The following MYRFL variants were observed in gnomAD, a reference collection of about 807,000 sequenced individuals.
MYRFL encodes myelin regulatory factor-like protein.
A neutral mutation model predicts 109.4 loss-of-function variants in MYRFL; 88 were observed. The ratio of observed to expected loss-of-function variants is 0.80; its 90% CI spans 0.68 to 0.96. The LOEUF (loss-of-function observed/expected upper bound fraction) is 0.96, where lower values mean the gene tolerates loss of function less well. MYRFL is among the 40% of genes least tolerant of loss of function. The pLI is 0.00. For synonymous variants in MYRFL, 324 were observed against 320.9 expected (o/e 1.01, Z -0.10); for missense variants, 957 against 954.9 (o/e 1.00, Z -0.03).
chr12:69,932,080 G>C (rs150378914), intron 15 of MYRFL, among the ~76,000 whole-genome samples: 2 of 152,122 alleles, frequency 1.3e-5, no homozygotes, highest in East Asian at 3.9e-4. Context: ...AATTTGTCAT[G>C]ATACCCGAAA....
chr12:69,825,617 C>A, intron 1 of MYRFL, 54 bp downstream of exon 1: 1 of 688,668 alleles, frequency 1.5e-6, no homozygotes, highest in Admixed American at 2.2e-5. Context: ...TGCTCACTAT[C>A]CCTGTTTCAC....
At chr12:69,914,265 C>T (rs974766557) in intron 13 of MYRFL, among the ~76,000 whole-genome samples, 2 of 151,710 alleles carry the variant, frequency 1.3e-5, no homozygotes, top group Non-Finnish European at 2.9e-5. Context: ...ATTTAGAGGT[C>T]CTTTTTTTGA....
At chr12:69,905,687 G>T (rs1954333216) in intron 11 of MYRFL, among the ~76,000 whole-genome samples, 2 of 152,146 alleles carry the variant, frequency 1.3e-5, no homozygotes, top group Admixed American at 6.5e-5. Flanking sequence ...TCTAAGCAAA[G>T]AGAAATTATT....
At chr12:69,886,715 T>C (rs1308426286) in intron 5 of MYRFL, 105 bp from the exon 6 acceptor site, 1 of 1,340,318 alleles carries the variant, frequency 7.5e-7, no homozygotes. Flanking sequence ...ACTTCCCTAG[T>C]CACTCTGCCT....
rs116250508 is a variant in MYRFL at position 69,834,666 on chromosome 12, A to T, written c.46+9103A>T. ...TTTATTGTGAAACAAGAACAAGTAC[A>T]GCTACATACATAGATCCATACATTT... On this transcript the variant is annotated intron_variant, in intron 1 of 24. Coordinates refer to ENST00000552032, the MANE Select transcript of MYRFL (RefSeq NM_182530.3). 4.5e-3 allele frequency among the ~76,000 whole-genome samples: 689 copies of T among 152,322 alleles called. 9 individuals are homozygous for T. Among genetic ancestry groups the T allele is most frequent in the African/African-American group, 0.016 (656 of 41,584 alleles).
intron 10 of MYRFL, among the ~76,000 whole-genome samples, chr12:69,902,479 T>A (rs983179317): frequency 6.6e-6 from 1 of 152,094 alleles, no homozygotes; most frequent in African/African-American, 2.4e-5. Context: ...AAACCATTGT[T>A]ATTGGTTTCC....
chr12:69,936,614 C>T lies in MYRFL; in HGVS notation c.2206C>T (p.His736Tyr). ...AAGACAATCTGAGGAGAAGGAATTCCATCAGAGGCGATGGTCAGGTAAATG... is the reference window on the plus strand; with the variant it reads ...AAGACAATCTGAGGAGAAGGAATTCTATCAGAGGCGATGGTCAGGTAAATG... The part of the protein sequence containing the change: ...VQRQSEEKEF[H>Y]QRRWSEDKSK... Residue 736 changes from histidine (H) to tyrosine (Y), a missense_variant, in exon 19 of 25, where the codon CAT becomes TAT. Transcript: ENST00000552032. 1.3e-6 allele frequency: 2 copies of T among 1,528,088 alleles called. No homozygotes were observed. The highest frequency in any genetic ancestry group is 1.8e-6 in the Non-Finnish European group (2 of 1,141,802). The allele number at this position is 1,528,088 out of a possible 1,614,324, so 94.7% of individuals were successfully genotyped here.
chr12:69,902,393 A>G (rs1954223681), intron 10 of MYRFL, among the ~76,000 whole-genome samples: 1 of 152,212 alleles, frequency 6.6e-6, no homozygotes, highest in Admixed American at 6.5e-5. Context: ...CTCAAACAAT[A>G]CCAAGAGAGT....
At chr12:69,900,016 T>G (rs1029953617) in intron 10 of MYRFL, among the ~76,000 whole-genome samples, 5 of 152,176 alleles carry the variant, frequency 3.3e-5, no homozygotes, top group African/African-American at 9.7e-5. Flanking sequence ...AAACCTGGTT[T>G]GGAGTGCAGT....
At chr12:69,913,219 T>C (rs1173338292) in intron 13 of MYRFL, among the ~76,000 whole-genome samples, 1 of 152,198 alleles carries the variant, frequency 6.6e-6, no homozygotes, top group African/African-American at 2.4e-5. Flanking sequence ...TTATGAGATA[T>C]ATAATTTGCA....
In MYRFL at chr12:69,867,801, G is replaced by T. The variant is rs543742489; in HGVS notation, c.138-11227G>T. On this transcript the variant is annotated intron_variant, in intron 2 of 24. Transcript: ENST00000552032. ...ACGTGGAGTTCTGTGAGAAGAGCTT[G>T]TTAAAGACTATTTGAGTTCAGTGAC... is the stretch of plus-strand genomic sequence containing the variant. Among the ~76,000 whole-genome samples, 28 of 152,256 alleles carry T rather than the reference G, an allele frequency of 1.8e-4. 2 individuals are homozygous for T. The South Asian group carries it at 5.2e-3, about 28-fold the overall frequency.
intron 19 of MYRFL, among the ~76,000 whole-genome samples, chr12:69,948,231 G>C (rs1781090394): frequency 6.6e-6 from 1 of 152,084 alleles, no homozygotes; most frequent in South Asian, 2.1e-4. Context: ...TCAAATGGAA[G>C]GTGTTTTATG....
chr12:69,884,415 CT>C (rs1005068902), intron 5 of MYRFL, among the ~76,000 whole-genome samples: 2 of 152,200 alleles, frequency 1.3e-5, no homozygotes, highest in African/African-American at 4.8e-5. Flanking sequence ...TGTGTCACCC[CT>C]ATTGGAGCAG....
chr12:69,929,102 T>A (rs1955189951), intron 15 of MYRFL, among the ~76,000 whole-genome samples: 1 of 152,140 alleles, frequency 6.6e-6, no homozygotes, highest in South Asian at 2.1e-4. Context: ...AATGAATACA[T>A]GAGTGGAGAG....
chr12:69,932,257 C>CAT (rs1955294968), intron 15 of MYRFL, among the ~76,000 whole-genome samples: 1 of 152,162 alleles, frequency 6.6e-6, no homozygotes, highest in Non-Finnish European at 1.5e-5. Context: ...TGGCAAAGAT[C>CAT]ATTGTCTGCA....
chr12:69,873,940 G>C (rs11177921), intron 2 of MYRFL, among the ~76,000 whole-genome samples: 2 of 150,956 alleles, frequency 1.3e-5, no homozygotes, highest in East Asian at 1.9e-4. Context: ...CATTTTATCT[G>C]TTGACTTTAG....
At chr12:69,883,836 A>G (rs1027849166) in intron 5 of MYRFL, among the ~76,000 whole-genome samples, 3 of 152,016 alleles carry the variant, frequency 2.0e-5, no homozygotes, top group Non-Finnish European at 2.9e-5. Flanking sequence ...TGATTGTGCC[A>G]TTGCACTCCA....
intron 1 of MYRFL, among the ~76,000 whole-genome samples, chr12:69,847,625 A>G (rs1396061217): frequency 6.6e-6 from 1 of 152,166 alleles, no homozygotes; most frequent in Non-Finnish European, 1.5e-5. Flanking sequence ...CTGGAGTCCT[A>G]GAAAATATTT....
intron 19 of MYRFL, 129 bp from the exon 20 acceptor site, chr12:69,951,984 G>A: frequency 2.9e-6 from 2 of 696,920 alleles, no homozygotes; most frequent in South Asian, 1.8e-5. Flanking sequence ...GAGATTAGAT[G>A]AGTTGAAGGA....
Sources: allele counts gnomAD v4.1 joint callset (sites outside exome capture counted in the v4.1 genomes callset), GRCh38; gene constraint gnomAD v4.1.1; transcripts MANE v1.5; gene names NCBI Gene and HGNC (gene_info 2026-07-23, HGNC 2026-07-21).